Variants in XIRP2 observed in about 807,000 individuals in gnomAD.
XIRP2 encodes xin actin binding repeat containing 2.
XIRP2 carries 236 observed loss-of-function variants against 277.0 expected under a neutral mutation model. The ratio of observed to expected loss-of-function variants is 0.85; its 90% CI spans 0.77 to 0.95. XIRP2 has a LOEUF of 0.95. Ranked by LOEUF, XIRP2 falls within the 40% of genes least tolerant of loss-of-function variation. The pLI, the probability that XIRP2 is intolerant of heterozygous loss-of-function variation, is 0.00. For synonymous variants in XIRP2, 1,490 were observed against 1,416.5 expected, an observed-to-expected ratio of 1.05 and a Z score of -1.17; for missense variants, 4,640 against 4,157.5, an observed-to-expected ratio of 1.12 and a Z score of -3.19.
At chr2:167,203,058 C>T (rs1204398812) in intron 3 of XIRP2, among the ~76,000 whole-genome samples, 1 of 152,168 alleles carries the variant, frequency 6.6e-6, no homozygotes, top group African/African-American at 2.4e-5. Flanking sequence ...TTACAAGGAC[C>T]CTTGTGATTA....
At chr2:167,233,450 A>T (rs1036066824) in intron 5 of XIRP2, among the ~76,000 whole-genome samples, 3 of 151,918 alleles carry the variant, frequency 2.0e-5, no homozygotes, top group Non-Finnish European at 2.9e-5. Context: ...ATGGAAGAAG[A>T]TAAATTAGGA....
intron 2 of XIRP2, among the ~76,000 whole-genome samples, chr2:167,134,820 A>C (rs973211007): frequency 1.3e-5 from 2 of 152,208 alleles, no homozygotes; most frequent in African/African-American, 2.4e-5. Context: ...CAAGCACTGC[A>C]ATACTACGAT....
intron 2 of XIRP2, among the ~76,000 whole-genome samples, chr2:166,909,304 T>C (rs1684631179): frequency 6.6e-6 from 1 of 152,242 alleles, no homozygotes; most frequent in South Asian, 2.1e-4. Context: ...AACAGTGATT[T>C]GTAGTTCTCC....
At chr2:167,064,176 G>T (rs192748260) in intron 2 of XIRP2, among the ~76,000 whole-genome samples, 395 of 151,792 alleles carry the variant, frequency 2.6e-3, no homozygotes, top group Middle Eastern at 7.0e-3. Context: ...TATGCATTTT[G>T]AAATGATTAC....
intron 2 of XIRP2, among the ~76,000 whole-genome samples, chr2:167,023,258 G>T (rs1469200461): frequency 6.6e-6 from 1 of 152,100 alleles, no homozygotes; most frequent in Non-Finnish European, 1.5e-5. Context: ...GTCTTCTTTT[G>T]AGAAGTGTCT....
chr2:167,245,672 C>T lies in XIRP2; in HGVS notation c.4280C>T (p.Ser1427Phe). The T allele has an allele frequency of 2.5e-6, 4 of 1,613,458 alleles. No homozygotes were observed. In the South Asian group the frequency reaches 3.3e-5, roughly 13 times the overall value. ...AAGACAAGTAGACAATTCTTTGAGTCTGAAAATTTTGATAAGAATAACTAT... is the reference window on the plus strand; with the variant it reads ...AAGACAAGTAGACAATTCTTTGAGTTTGAAAATTTTGATAAGAATAACTAT... ...NVKTSRQFFESENFDKNNYIR... is the reference protein window; with the variant it reads ...NVKTSRQFFEFENFDKNNYIR... The change falls in exon 9 of 11, where the codon TCT (serine) becomes TTT (phenylalanine). Residue 1427 changes from serine (S) to phenylalanine (F), a missense_variant. Transcript: ENST00000409195.
At chr2:167,056,295 C>T (rs1284157909) in intron 2 of XIRP2, among the ~76,000 whole-genome samples, 1 of 152,100 alleles carries the variant, frequency 6.6e-6, no homozygotes, top group Non-Finnish European at 1.5e-5. Flanking sequence ...AATGTTGGAA[C>T]ATAAATGCAA....
intron 2 of XIRP2, among the ~76,000 whole-genome samples, chr2:167,008,023 TTC>T (rs1401033590): frequency 3.3e-5 from 5 of 151,544 alleles, no homozygotes; most frequent in Non-Finnish European, 7.4e-5. Context: ...AGTTATGTAT[TTC>T]TGTTTGTCTT....
intron 3 of XIRP2, among the ~76,000 whole-genome samples, chr2:167,151,041 C>G (rs1266479190): frequency 6.6e-6 from 1 of 152,000 alleles, no homozygotes; most frequent in African/African-American, 2.4e-5. Flanking sequence ...CTTCAAAAAT[C>G]CTGTTTTGAG....
In XIRP2 at chr2:166,903,595, C is replaced by T; in HGVS notation, c.113C>T (p.Pro38Leu). The change falls in exon 2 of 11, where the codon CCT (proline) becomes CTT (leucine). Residue 38 changes from proline (P) to leucine (L), a missense_variant. Physicochemically the swap from Pro to Leu is moderately conservative, Grantham distance 98 (BLOSUM62 -3). Transcript: ENST00000409195. ...PRDSHCTIFQ[P>L]QESKLLAPEG... ...GACAGCCATTGTACAATTTTCCAGC[C>T]TCAGGAAAGCAAATTGCTTGCGCCT... The T allele has an allele frequency of 1.9e-6, 3 of 1,613,600 alleles. No homozygotes were observed. The highest frequency in any genetic ancestry group is 2.5e-6 in the Non-Finnish European group (3 of 1,179,754).
chr2:167,078,367 G>A (rs1375139357), intron 2 of XIRP2, among the ~76,000 whole-genome samples: 1 of 152,166 alleles, frequency 6.6e-6, no homozygotes, highest in Admixed American at 6.5e-5. Context: ...GTTCAAGGAC[G>A]CTTTTCAGTC....
intron 2 of XIRP2, among the ~76,000 whole-genome samples, chr2:166,946,021 A>G (rs1187826467): frequency 6.6e-6 from 1 of 152,140 alleles, no homozygotes; most frequent in African/African-American, 2.4e-5. Context: ...GGTCCACATC[A>G]TTGCAAAACA....
intron 3 of XIRP2, among the ~76,000 whole-genome samples, chr2:167,200,390 A>T (rs898333625): frequency 6.6e-6 from 1 of 152,176 alleles, no homozygotes; most frequent in African/African-American, 2.4e-5. Context: ...CGATTTTATG[A>T]TTTTACCTAA....
At chr2:166,975,729 T>C (rs1174349566) in intron 2 of XIRP2, among the ~76,000 whole-genome samples, 1 of 151,628 alleles carries the variant, frequency 6.6e-6, no homozygotes, top group Non-Finnish European at 1.5e-5. Context: ...ATCGAGACCA[T>C]CCTGGCTAAC....
At chr2:167,078,827 G>A (rs1330590775) in intron 2 of XIRP2, among the ~76,000 whole-genome samples, 4 of 109,134 alleles carry the variant, frequency 3.7e-5, no homozygotes, top group African/African-American at 1.3e-4. Context: ...GACACAGTGA[G>A]ACTCCGTCTC....
chr2:166,922,508 G>T (rs1194467003), intron 2 of XIRP2, among the ~76,000 whole-genome samples: 1 of 151,702 alleles, frequency 6.6e-6, no homozygotes, highest in African/African-American at 2.4e-5. Flanking sequence ...GAAGTTAAAA[G>T]ATTTTTTTTT....
chr2:167,078,536 GC>G (rs2105258963), intron 2 of XIRP2, among the ~76,000 whole-genome samples: 2 of 151,470 alleles, frequency 1.3e-5, no homozygotes, highest in East Asian at 4.4e-4. Flanking sequence ...TGCGGTTTTT[GC>G]CTTTAACGGC....
chr2:167,153,131 T>G (rs1161590154), intron 3 of XIRP2, among the ~76,000 whole-genome samples: 1 of 152,116 alleles, frequency 6.6e-6, no homozygotes, highest in African/African-American at 2.4e-5. Context: ...AATTGATTAA[T>G]TTTACCACAA....
chr2:167,236,942 C>A (rs1328682272), intron 5 of XIRP2, among the ~76,000 whole-genome samples: 1 of 152,060 alleles, frequency 6.6e-6, no homozygotes, highest in Non-Finnish European at 1.5e-5. Context: ...CCAAACTAAA[C>A]TAGTTGCAAA....
Sources: gnomAD v4.1 joint callset for allele counts (sites outside exome capture counted in the v4.1 genomes callset) on GRCh38, gnomAD v4.1.1 for gene constraint, MANE v1.5 for transcripts, NCBI Gene and HGNC (gene_info 2026-07-23, HGNC 2026-07-21) for gene names.